The following GOLGA1 variants were observed in gnomAD, a reference collection of about 807,000 sequenced individuals.
GOLGA1 encodes golgin A1, also known as golgin subfamily A member 1.
In GOLGA1, 63 loss-of-function variants were observed where a neutral mutation model predicts 119.7. The ratio of observed to expected loss-of-function variants is 0.53; its 90% CI spans 0.43 to 0.65. The LOEUF (loss-of-function observed/expected upper bound fraction) is 0.65, where lower values mean the gene tolerates loss of function less well. GOLGA1 is among the 30% of genes least tolerant of loss of function. GOLGA1 has a pLI of 0.00. For missense variants in GOLGA1, 798 were observed against 912.8 expected (o/e 0.87, Z 1.62); for synonymous variants, 318 against 333.4 (o/e 0.95, Z 0.50).
chr9:124,899,181 G>A, intron 14 of GOLGA1, 148 bp downstream of exon 14: 1 of 658,446 alleles, frequency 1.5e-6, no homozygotes, highest in East Asian at 2.8e-5. Flanking sequence ...GGGTGACAGA[G>A]TGAGACCCTG....
At chr9:124,898,968 G>T (rs1196767025) in intron 14 of GOLGA1, among the ~76,000 whole-genome samples, 1 of 152,092 alleles carries the variant, frequency 6.6e-6, no homozygotes, top group Admixed American at 6.6e-5. Context: ...GGCTGAGGTG[G>T]GCAGATCCCT....
chr9:124,901,538 G>T (rs1830106313), intron 12 of GOLGA1, among the ~76,000 whole-genome samples: 1 of 126,018 alleles, frequency 7.9e-6, no homozygotes, highest in African/African-American at 3.0e-5. Context: ...GGGTTCAAGT[G>T]ATTCTCCTAC....
rs1415888664 is a variant in GOLGA1 at position 124,888,504 on chromosome 9, G to T, written c.1762-108C>A. On this transcript the variant is annotated intron_variant, in intron 18 of 22. Transcript: ENST00000373555. This position sits in a 1 kb window ranked among gnomAD's most constrained non-coding sequence, Gnocchi z 4.4. Reference sequence around the variant, plus strand: ...CTCGTCCCTTAGGTATGGGCGTTGTGCTCCAACAGGCAACTGGCCAGGAAG... The same window carrying T: ...CTCGTCCCTTAGGTATGGGCGTTGTTCTCCAACAGGCAACTGGCCAGGAAG... 1.1e-6 allele frequency: 1 copy of T among 921,852 alleles called. No individual in the cohort carries two copies. The highest frequency in any genetic ancestry group is 1.7e-6 in the Non-Finnish European group (1 of 590,006). 57.1% of individuals were successfully genotyped at this position (921,852 alleles called of 1,614,324 possible).
At chr9:124,899,599 C>A in intron 13 of GOLGA1, 121 bp from the exon 14 acceptor site, 3 of 1,015,194 alleles carry the variant, frequency 3.0e-6, no homozygotes, top group Non-Finnish European at 4.3e-6. Context: ...GACCCCATCC[C>A]CCCTGGCGTT....
intron 10 of GOLGA1, among the ~76,000 whole-genome samples, chr9:124,918,181 C>A (rs536702411): frequency 6.6e-6 from 1 of 152,250 alleles, no homozygotes; most frequent in African/African-American, 2.4e-5. Context: ...TAGGATCTCA[C>A]TAAATCTCGT....
upstream of GOLGA1, chr9:124,943,951 G>A (rs1338490109): frequency 3.9e-5 from 6 of 152,124 alleles, no homozygotes; most frequent in Admixed American, 2.6e-4. Flanking sequence ...GCTACACAAC[G>A]AAGATAACCT....
chr9:124,930,926 C>T (rs1270259956), intron 4 of GOLGA1, among the ~76,000 whole-genome samples: 1 of 152,176 alleles, frequency 6.6e-6, no homozygotes, highest in Non-Finnish European at 1.5e-5. Flanking sequence ...CAGGAAGTGG[C>T]AACACAGCAC....
intron 10 of GOLGA1, among the ~76,000 whole-genome samples, chr9:124,919,769 G>A (rs1305248092): frequency 3.3e-5 from 5 of 152,092 alleles, no homozygotes; most frequent in Admixed American, 1.3e-4. Flanking sequence ...TGATGTGAGG[G>A]GAAGGGCTGG....
intron 15 of GOLGA1, among the ~76,000 whole-genome samples, chr9:124,894,148 C>T (rs1412959301): frequency 6.6e-6 from 1 of 152,170 alleles, no homozygotes; most frequent in African/African-American, 2.4e-5. Context: ...CTTCTTGTAG[C>T]GCTTTCTGCC....
rs1831154480 is a variant in GOLGA1 at position 124,946,996 on chromosome 9, C to T, written c.-156+922G>A. On this transcript the variant is annotated intron_variant, in intron 1 of 4. Coordinates refer to the GOLGA1 transcript ENST00000421514. The surrounding 1 kb of genome is among the most constrained non-coding windows in gnomAD (Gnocchi z 4.0). ...ACAACCTCCCGTTCCTCACTAAATC[C>T]TATCCTACTTAGGTTAGGCCATCCC... The T allele has an allele frequency of 6.6e-6, 1 of 152,162 alleles. No individual in the cohort carries two copies. Among genetic ancestry groups the T allele is most frequent in the Admixed American group, 6.5e-5 (1 of 15,282 alleles). The allele number at this position is 152,162 out of a possible 1,614,324, so 9.4% of individuals were successfully genotyped here. A position where few individuals can be genotyped will look rare whatever the true frequency, so the allele number is the denominator to read the frequency against.
At position 124,912,008 on chromosome 9, in the gene GOLGA1, C is replaced by G; in HGVS notation, c.862G>C (p.Glu288Gln). 5 of 1,613,620 alleles carry G rather than the reference C, an allele frequency of 3.1e-6. No individual in the cohort carries two copies. The highest frequency in any genetic ancestry group is 4.2e-6 in the Non-Finnish European group (5 of 1,179,618). ...AAATGTGTGATAACGTCTTCTTTCT[C>G]TTGAGTTTCAGCAGTGACCTGCAGG... Reference protein sequence around the residue: ...DLQKVTAETQEKEDVITHLQE... With the variant: ...DLQKVTAETQQKEDVITHLQE... The change falls in exon 11 of 23, where the codon GAG becomes CAG. Residue 288 changes from glutamate (E) to glutamine (Q), a missense_variant. Coordinates refer to ENST00000373555, the MANE Select transcript of GOLGA1 (RefSeq NM_002077.4).
chr9:124,944,618 C>A (rs1831113635), upstream of GOLGA1: 1 of 151,908 alleles, frequency 6.6e-6, no homozygotes, highest in South Asian at 2.1e-4. Flanking sequence ...TACCACAGTA[C>A]ATAGTTTTAA....
At chr9:124,928,587 T>C (rs544225550) in intron 5 of GOLGA1, among the ~76,000 whole-genome samples, 3 of 152,198 alleles carry the variant, frequency 2.0e-5, no homozygotes, top group Non-Finnish European at 2.9e-5. Context: ...CTGAGTTAGG[T>C]AGGTTGCCAG....
upstream of GOLGA1, among the ~76,000 whole-genome samples, chr9:124,941,973 C>G (rs142405583): frequency 1.8e-4 from 27 of 152,206 alleles, no homozygotes; most frequent in Non-Finnish European, 3.4e-4. Flanking sequence ...GAAAAACTAT[C>G]TTGTTCCAAG....
chr9:124,887,932 A>T (rs1162843666), intron 19 of GOLGA1, among the ~76,000 whole-genome samples: 1 of 152,254 alleles, frequency 6.6e-6, no homozygotes, highest in East Asian at 1.9e-4. Context: ...TGTAGAAAGG[A>T]AGTATAGACG....
chr9:124,899,651 C>T (rs924813408), intron 13 of GOLGA1, among the ~76,000 whole-genome samples, 173 bp from the exon 14 acceptor site: 5 of 152,178 alleles, frequency 3.3e-5, no homozygotes, highest in African/African-American at 1.2e-4. Flanking sequence ...GCTCCTGGAC[C>T]CTGGCCTGTC....
chr9:124,882,718 C>T (rs1355380914), intron 19 of GOLGA1, 149 bp from the exon 20 acceptor site: 16 of 665,092 alleles, frequency 2.4e-5, no homozygotes, highest in South Asian at 1.4e-4. Flanking sequence ...GCTCAGCTGT[C>T]GCATGCTTGT....
chr9:124,904,773 C>A (rs1830187305), intron 12 of GOLGA1, among the ~76,000 whole-genome samples: 1 of 151,942 alleles, frequency 6.6e-6, no homozygotes, highest in Admixed American at 6.6e-5. Context: ...AACCTTGTCT[C>A]TACCAAAAAT....
intron 3 of GOLGA1, 85 bp downstream of exon 3, chr9:124,938,492 G>A: frequency 1.8e-6 from 2 of 1,101,062 alleles, no homozygotes; most frequent in South Asian, 1.3e-5. Flanking sequence ...AACCATGAAA[G>A]GTATGAAATA....
Sources: gnomAD v4.1 joint callset for allele counts (sites outside exome capture counted in the v4.1 genomes callset) on GRCh38, gnomAD v4.1.1 for gene constraint, Gnocchi (gnomAD v3.1) non-coding constraint, MANE v1.5 for transcripts, NCBI Gene and HGNC (gene_info 2026-07-23, HGNC 2026-07-21) for gene names.